The following PIR variants were observed in gnomAD, a reference collection of about 807,000 sequenced individuals.
PIR encodes the protein pirin (iron-binding nuclear protein).
In PIR, 22 loss-of-function variants were observed where a neutral mutation model predicts 24.2. That is an observed-to-expected ratio of 0.91 (90% CI 0.65 to 1.30). PIR has a LOEUF of 1.30. Among genes scored for constraint, PIR ranks in the 50% most tolerant of loss-of-function variants. PIR has a pLI of 0.00. For synonymous variants in PIR, 80 were observed against 79.6 expected (o/e 1.00, Z -0.03); for missense variants, 220 against 220.3 (o/e 1.00, Z 0.01).
Position 15,398,666 on chromosome X carries a change from GA to G in PIR, c.611-1136del, listed in dbSNP as rs1218287038. On this transcript the variant is annotated intron_variant, in intron 7 of 9. Coordinates refer to ENST00000380420, the MANE Select transcript of PIR (RefSeq NM_001018109.3). ...ATAAAATTGACAGCCCTTGAGGAGGGAGGGTGTGTGTGTGTGTGTGTGTGTG... is the reference window on the plus strand; with the variant it reads ...ATAAAATTGACAGCCCTTGAGGAGGGGGGTGTGTGTGTGTGTGTGTGTGTG... Among the ~76,000 whole-genome samples the G allele has an allele frequency of 3.2e-3, 126 of 39,679 alleles. 1 individual carries two copies. Among genetic ancestry groups the G allele is most frequent in the East Asian group, 0.02 (24 of 1,230 alleles). The allele number at this position is 39,679 out of a possible 115,157, so 34.5% of individuals were successfully genotyped here. A position where few individuals can be genotyped will look rare whatever the true frequency, so the allele number is the denominator to read the frequency against.
At chrX:15,440,231 A>G (rs1170066436) in intron 5 of PIR, among the ~76,000 whole-genome samples, 1 of 111,900 alleles carries the variant, frequency 8.9e-6, no homozygotes, top group Non-Finnish European at 1.9e-5. Context: ...TTGAAAAATG[A>G]GTAGTATTGT....
intron 7 of PIR, among the ~76,000 whole-genome samples, chrX:15,404,294 C>G: frequency 8.9e-6 from 1 of 112,305 alleles, no homozygotes; most frequent in South Asian, 3.7e-4. Context: ...AACCACCATG[C>G]CCGGCTGTGG....
chrX:15,401,686 T>A (rs940710422), intron 7 of PIR, among the ~76,000 whole-genome samples: 1 of 112,006 alleles, frequency 8.9e-6, no homozygotes, highest in African/African-American at 3.3e-5. Context: ...AAGGAAAAAA[T>A]TAACTGAAAA....
chrX:15,435,530 A>T (rs1925724818), intron 5 of PIR, among the ~76,000 whole-genome samples: 1 of 112,165 alleles, frequency 8.9e-6, no homozygotes, highest in African/African-American at 3.2e-5. Context: ...TTACTAGCTC[A>T]GGAGTCCCAA....
At chrX:15,420,649 T>G (rs7051534) in intron 6 of PIR, among the ~76,000 whole-genome samples, 2,089 of 111,293 alleles carry the variant, frequency 0.019, 48 homozygotes, top group African/African-American at 0.063. Context: ...AAATACATCA[T>G]AGTATGTATT....
intron 3 of PIR, among the ~76,000 whole-genome samples, chrX:15,473,523 T>C (rs1457146295): frequency 8.9e-6 from 1 of 112,306 alleles, no homozygotes; most frequent in African/African-American, 3.2e-5. Flanking sequence ...ATTATTCCTC[T>C]ACTATTTTGA....
intron 5 of PIR, among the ~76,000 whole-genome samples, chrX:15,441,586 G>A (rs764166042): frequency 1.4e-4 from 16 of 111,084 alleles, no homozygotes; most frequent in African/African-American, 4.9e-4. Flanking sequence ...ATCAGGGAAT[G>A]TTCGAAGGAG....
intron 6 of PIR, among the ~76,000 whole-genome samples, chrX:15,417,986 C>T (rs950502077): frequency 2.7e-5 from 3 of 111,641 alleles, no homozygotes; most frequent in African/African-American, 3.3e-5. Context: ...GAAACTGGGA[C>T]GTGGACATCT....
intron 2 of PIR, among the ~76,000 whole-genome samples, chrX:15,490,596 T>C (rs773238686): frequency 1.1e-4 from 12 of 111,978 alleles, no homozygotes; most frequent in Admixed American, 1.9e-4. Flanking sequence ...TTGAAAGACA[T>C]CTACCTAATC....
At chrX:15,457,235 G>C (rs1921119349) in intron 4 of PIR, among the ~76,000 whole-genome samples, 1 of 111,515 alleles carries the variant, frequency 9.0e-6, no homozygotes, top group Admixed American at 9.5e-5. Context: ...GTTCCCATGG[G>C]AGTGTTAAAT....
At chrX:15,453,830 G>A (rs1920993247) in intron 5 of PIR, among the ~76,000 whole-genome samples, 1 of 111,976 alleles carries the variant, frequency 8.9e-6, no homozygotes, top group South Asian at 3.7e-4. Context: ...TAAACTCTAA[G>A]GATTCGTGAT....
rs757536937 is a variant in PIR at position 15,432,440 on chromosome X, G to A, written c.481-6450C>T. On this transcript the variant is annotated intron_variant, in intron 5 of 9. Coordinates refer to ENST00000380420, the MANE Select transcript of PIR (RefSeq NM_001018109.3). The stretch of plus-strand genomic sequence containing the variant: ...GAGAGTAAGGGAAGTCCTCACTAGG[G>A]AGATTACATTAAAGTGAAGACTTGA... 7.6e-4 allele frequency among the ~76,000 whole-genome samples: 85 copies of A among 112,064 alleles called. 2 individuals carry two copies. Among genetic ancestry groups the A allele is most frequent in the Non-Finnish European group, 1.5e-3 (81 of 53,154 alleles).
intron 5 of PIR, among the ~76,000 whole-genome samples, chrX:15,445,553 CAAAG>C (rs1396764114): frequency 2.7e-5 from 3 of 111,731 alleles, no homozygotes; most frequent in African/African-American, 9.8e-5. Flanking sequence ...AAAAATAAAA[CAAAG>C]AGAGCAAGGG....
intron 7 of PIR, among the ~76,000 whole-genome samples, chrX:15,400,673 T>G (rs1405392056): frequency 9.0e-6 from 1 of 111,129 alleles, no homozygotes; most frequent in African/African-American, 3.3e-5. Flanking sequence ...CCATTCTCTT[T>G]GCAATCTCAG....
At chrX:15,392,543 A>G (rs925282510) in intron 8 of PIR, among the ~76,000 whole-genome samples, 5 of 111,829 alleles carry the variant, frequency 4.5e-5, no homozygotes, top group African/African-American at 1.3e-4. Flanking sequence ...TCTTCCATGT[A>G]TTTAATAAAA....
intron 7 of PIR, among the ~76,000 whole-genome samples, chrX:15,404,987 C>G (rs144708505): frequency 0.037 from 4,101 of 110,977 alleles, 95 homozygotes; most frequent in Non-Finnish European, 0.056. Context: ...GAGGGGGGAC[C>G]AGGTCAGTAA....
chrX:15,409,518 C>G (rs748383725), intron 6 of PIR, among the ~76,000 whole-genome samples: 9 of 111,187 alleles, frequency 8.1e-5, no homozygotes, highest in Non-Finnish European at 1.5e-4. Flanking sequence ...AAATTGTGCA[C>G]CTTTGGCGGG....
intron 5 of PIR, among the ~76,000 whole-genome samples, chrX:15,438,637 C>A (rs1204678286): frequency 8.9e-6 from 1 of 111,978 alleles, no homozygotes; most frequent in African/African-American, 3.2e-5. Context: ...AGCTCCTCAG[C>A]CCTTGGCCTC....
intron 3 of PIR, among the ~76,000 whole-genome samples, chrX:15,465,814 T>C (rs1302595898): frequency 8.9e-6 from 1 of 112,031 alleles, no homozygotes; most frequent in African/African-American, 3.2e-5. Context: ...TATAAATTAA[T>C]TCTGAAGAAT....
Sources: gnomAD v4.1 joint callset for allele counts (sites outside exome capture counted in the v4.1 genomes callset) on GRCh38, gnomAD v4.1.1 for gene constraint, MANE v1.5 for transcripts, NCBI Gene and HGNC (gene_info 2026-07-23, HGNC 2026-07-21) for gene names.